The following SHB variants were observed in gnomAD, a reference collection of about 807,000 sequenced individuals.
The protein encoded by SHB is SH2 domain-containing adapter protein B.
Under a neutral mutation model 52.3 loss-of-function variants are expected in SHB, and 20 were observed. The ratio of observed to expected loss-of-function variants is 0.38; its 90% CI spans 0.27 to 0.56. The LOEUF (loss-of-function observed/expected upper bound fraction) is 0.56, where lower values mean the gene tolerates loss of function less well. Ranked by LOEUF, SHB falls within the 20% of genes least tolerant of loss-of-function variation. SHB has a pLI of 0.71. For missense variants in SHB, 825 were observed against 723.3 expected, an observed-to-expected ratio of 1.14 and a Z score of -1.61; for synonymous variants, 397 against 316.5, an observed-to-expected ratio of 1.25 and a Z score of -2.70.
At position 38,028,195 on chromosome 9, in the gene SHB, A is replaced by G. The variant is rs369062237; in HGVS notation, c.718-12064T>C. On this transcript the variant is annotated intron_variant, in intron 1 of 5. Transcript: ENST00000377707. ...CAGAGACTAAGCAGGCACCTCCCCGAGGAAGCACATGGACAAAACCAAATG... is the reference window on the plus strand; with the variant it reads ...CAGAGACTAAGCAGGCACCTCCCCGGGGAAGCACATGGACAAAACCAAATG... Among the ~76,000 whole-genome samples, 6 of 152,206 alleles carry G rather than the reference A, an allele frequency of 3.9e-5. No homozygotes were observed. In the East Asian group the frequency reaches 7.7e-4, roughly 20 times the overall value.
At chr9:37,929,365 C>T (rs1240556172) in intron 5 of SHB, among the ~76,000 whole-genome samples, 41 of 152,236 alleles carry the variant, frequency 2.7e-4, no homozygotes, top group Non-Finnish European at 5.9e-5. Flanking sequence ...TAGATTCCAG[C>T]TTAATGCATT....
chr9:38,024,142 T>C (rs1324821689), intron 1 of SHB, among the ~76,000 whole-genome samples: 1 of 152,234 alleles, frequency 6.6e-6, no homozygotes, highest in Non-Finnish European at 1.5e-5. Context: ...TCTTGCATCA[T>C]GAAGGCCCCT....
chr9:37,933,559 G>A (rs1832337172), intron 5 of SHB, among the ~76,000 whole-genome samples: 1 of 152,190 alleles, frequency 6.6e-6, no homozygotes, highest in Admixed American at 6.5e-5. Context: ...AGACTTACTT[G>A]TTAAGCCTGT....
At chr9:37,969,004 C>T (rs1221370039) in intron 3 of SHB, among the ~76,000 whole-genome samples, 2 of 152,236 alleles carry the variant, frequency 1.3e-5, no homozygotes, top group East Asian at 3.8e-4. Flanking sequence ...CACGAACCTC[C>T]AGAACCCAGT....
intron 5 of SHB, among the ~76,000 whole-genome samples, chr9:37,935,018 T>C (rs1832352800): frequency 6.6e-6 from 1 of 152,226 alleles, no homozygotes; most frequent in Non-Finnish European, 1.5e-5. Flanking sequence ...AACCCTAGCT[T>C]CTTCAGAGAT....
rs748833052 is a variant in SHB at position 37,948,745 on chromosome 9, G to T, written c.1236C>A (p.His412Gln). 1.2e-6 allele frequency: 2 copies of T among 1,613,766 alleles called. No individual in the cohort carries two copies. The highest frequency in any genetic ancestry group is 1.7e-6 in the Non-Finnish European group (2 of 1,180,018). The change falls in exon 5 of 6, where the codon CAC (histidine) becomes CAA (glutamine). Residue 412 changes from histidine (H) to glutamine (Q), a missense_variant. Physicochemically the swap from His to Gln is conservative, Grantham distance 24. Coordinates refer to ENST00000377707, the MANE Select transcript of SHB (RefSeq NM_003028.3). Reference sequence around the variant, plus strand: ...CGGCGTCTCCTCTGCTGATGGCTCCGTGATACCATCTGTGGAGAGGGCAGA... The same window carrying T: ...CGGCGTCTCCTCTGCTGATGGCTCCTTGATACCATCTGTGGAGAGGGCAGA... ...AVPLEKQIWY[H>Q]GAISRGDAEN...
chr9:38,027,893 G>C (rs540053134), intron 1 of SHB, among the ~76,000 whole-genome samples: 1 of 152,186 alleles, frequency 6.6e-6, no homozygotes, highest in Admixed American at 6.5e-5. Context: ...AGGGCAGGGG[G>C]TGCCTCCTGG....
chr9:37,948,448 C>T (rs777818888), intron 5 of SHB, among the ~76,000 whole-genome samples, 187 bp downstream of exon 5: 1 of 152,166 alleles, frequency 6.6e-6, no homozygotes, highest in African/African-American at 2.4e-5. Flanking sequence ...AGGGCAGCAA[C>T]AGTGAACATA....
intron 3 of SHB, among the ~76,000 whole-genome samples, chr9:37,956,339 G>A (rs1832633866): frequency 6.6e-6 from 1 of 152,136 alleles, no homozygotes; most frequent in Non-Finnish European, 1.5e-5. Flanking sequence ...CTAGCGGGGG[G>A]CATGGCACTG....
At chr9:37,934,708 TGGG>T (rs1367696475) in intron 5 of SHB, among the ~76,000 whole-genome samples, 1 of 152,222 alleles carries the variant, frequency 6.6e-6, no homozygotes, top group Non-Finnish European at 1.5e-5. Context: ...GTCACGGTTC[TGGG>T]GGGCAAATCC....
chr9:37,989,431 T>C (rs1820854548), intron 2 of SHB, among the ~76,000 whole-genome samples: 1 of 152,154 alleles, frequency 6.6e-6, no homozygotes, highest in African/African-American at 2.4e-5. Flanking sequence ...AGGATCTTGG[T>C]GGGACTTCCT....
At position 37,995,220 on chromosome 9, in the gene SHB, G is replaced by A. The variant is rs142678642; in HGVS notation, c.839-20383C>T. Among the ~76,000 whole-genome samples, 522 of 152,218 alleles carry A rather than the reference G, an allele frequency of 3.4e-3. 4 individuals carry two copies. Among genetic ancestry groups the A allele is most frequent in the African/African-American group, 0.012 (495 of 41,532 alleles). On this transcript the variant is annotated intron_variant, in intron 2 of 5. Transcript: ENST00000377707. ...TCAGATTTCACTCACGTCCCCTGAC[G>A]GAGGGAGGCACCAGCCACAGGCCAC...
At position 38,068,454 on chromosome 9, in the gene SHB, TGAG is replaced by T. The variant is rs932665773; in HGVS notation, c.189_191del (p.Phe63_Ser64delinsLeu). 4 of 1,531,472 alleles carry T rather than the reference TGAG, an allele frequency of 2.6e-6. No individual in the cohort carries two copies. The highest frequency in any genetic ancestry group is 3.5e-6 in the Non-Finnish European group (4 of 1,144,014). 94.9% of individuals were successfully genotyped at this position (1,531,472 alleles called of 1,614,324 possible). A position where few individuals can be genotyped will look rare whatever the true frequency, so the allele number is the denominator to read the frequency against. On this transcript the variant is annotated inframe_deletion, in exon 1 of 6. Coordinates refer to ENST00000377707, the MANE Select transcript of SHB (RefSeq NM_003028.3). ...CGTCGGGCAGCGAGCCCGAAGAGGC[TGAG>T]AAGCAGGAGGCGGTGGCCGGACCGC...
chr9:38,007,276 C>G (rs1210801810), intron 2 of SHB, among the ~76,000 whole-genome samples: 1 of 152,214 alleles, frequency 6.6e-6, no homozygotes, highest in Non-Finnish European at 1.5e-5. Context: ...TCTTTCTTCT[C>G]CATACAGACT....
intron 5 of SHB, among the ~76,000 whole-genome samples, chr9:37,925,417 G>C (rs968257071): frequency 1.3e-5 from 2 of 152,228 alleles, no homozygotes; most frequent in African/African-American, 4.8e-5. Context: ...TGAGTACACA[G>C]GCACACGCTT....
chr9:37,996,049 T>A (rs543407414), intron 2 of SHB, among the ~76,000 whole-genome samples: 1 of 152,268 alleles, frequency 6.6e-6, no homozygotes, highest in Admixed American at 6.5e-5. Flanking sequence ...TGTACCAGGG[T>A]GCTTTGTAGA....
In SHB at chr9:37,918,487, C is replaced by CTG. The variant is rs35453970; in HGVS notation, c.*1332_*1333dup. On this transcript the variant is annotated 3_prime_UTR_variant, in exon 6 of 6. Coordinates refer to ENST00000377707, the MANE Select transcript of SHB (RefSeq NM_003028.3). ...TGGAAGCAGTGTGGACCACTGAGGG[C>CTG]TGTGTGTGTGTGTGTGTGTGTGTGT... Among the ~76,000 whole-genome samples the CTG allele has an allele frequency of 0.033, 1,496 of 45,502 alleles. 53 individuals are homozygous for CTG. The highest frequency in any genetic ancestry group is 0.1 in the African/African-American group (929 of 9,204). The allele number at this position is 45,502 out of a possible 152,430, so 29.9% of individuals were successfully genotyped here.
At chr9:37,993,434 A>G (rs1820908792) in intron 2 of SHB, among the ~76,000 whole-genome samples, 1 of 152,254 alleles carries the variant, frequency 6.6e-6, no homozygotes, top group African/African-American at 2.4e-5. Flanking sequence ...AGGGAGGGAT[A>G]GCATTAGGAG....
intron 2 of SHB, among the ~76,000 whole-genome samples, chr9:37,987,887 G>C (rs913336099): frequency 4.6e-5 from 7 of 152,116 alleles, no homozygotes; most frequent in Admixed American, 1.3e-4. Context: ...GGTGCCAGCT[G>C]CCTAGAGTAG....
Sources: gnomAD v4.1 joint callset for allele counts (sites outside exome capture counted in the v4.1 genomes callset) on GRCh38, gnomAD v4.1.1 for gene constraint, MANE v1.5 for transcripts, NCBI Gene and HGNC (gene_info 2026-07-23, HGNC 2026-07-21) for gene names.